The following PIK3C2G variants were observed in gnomAD, a reference collection of about 807,000 sequenced individuals.
PIK3C2G encodes phosphatidylinositol-4-phosphate 3-kinase catalytic subunit type 2 gamma.
In PIK3C2G, 168 loss-of-function variants were observed where a neutral mutation model predicts 181.1. The observed-to-expected ratio is 0.93, with a 90% confidence interval of 0.82 to 1.05. The LOEUF is 1.05. Ranked by LOEUF, PIK3C2G falls within the 50% of genes least tolerant of loss-of-function variation. The pLI is 0.00. For missense variants in PIK3C2G, 1,869 were observed against 1,732.8 expected (o/e 1.08, Z -1.40); for synonymous variants, 573 against 592.2 (o/e 0.97, Z 0.47).
At chr12:18,311,332 CAA>C (rs919236781) in intron 5 of PIK3C2G, among the ~76,000 whole-genome samples, 4 of 151,774 alleles carry the variant, frequency 2.6e-5, no homozygotes, top group African/African-American at 9.7e-5. Flanking sequence ...AGTTTTATTT[CAA>C]AGTCATAAAT....
At chr12:18,551,322 A>G (rs992156688) in intron 26 of PIK3C2G, among the ~76,000 whole-genome samples, 22 of 152,202 alleles carry the variant, frequency 1.4e-4, no homozygotes, top group Admixed American at 9.8e-4. Context: ...GTTGTCCAAA[A>G]GGGTTATTTC....
At chr12:18,494,305 T>TA (rs769218708) in intron 20 of PIK3C2G, among the ~76,000 whole-genome samples, 1 of 152,154 alleles carries the variant, frequency 6.6e-6, no homozygotes, top group South Asian at 2.1e-4. Flanking sequence ...CAAGATCTAG[T>TA]AAAACTCTGA....
intron 26 of PIK3C2G, among the ~76,000 whole-genome samples, chr12:18,550,203 A>G (rs879266239): frequency 1.3e-5 from 2 of 152,074 alleles, no homozygotes; most frequent in Non-Finnish European, 2.9e-5. Flanking sequence ...CATTAATTGT[A>G]ACTGTAACTA....
intron 1 of PIK3C2G, among the ~76,000 whole-genome samples, chr12:18,270,137 C>T (rs1948686767): frequency 6.6e-6 from 1 of 151,456 alleles, no homozygotes; most frequent in South Asian, 2.1e-4. Flanking sequence ...CTTGAACTCC[C>T]GACCTCAGGT....
chr12:18,581,578 ACTGG>A (rs1268418946), intron 29 of PIK3C2G, among the ~76,000 whole-genome samples: 1 of 152,210 alleles, frequency 6.6e-6, no homozygotes, highest in Non-Finnish European at 1.5e-5. Flanking sequence ...ACAAGCTTGC[ACTGG>A]CTGAACATTT....
rs192588130 is a variant in PIK3C2G at position 18,601,433 on chromosome 12, A to G, written c.4087+6864A>G. ...TTAAAAACGCTGATCTCAAATAAGTAAAAAGTAGAACAGAGGATACTAGAG... is the reference window on the plus strand; with the variant it reads ...TTAAAAACGCTGATCTCAAATAAGTGAAAAGTAGAACAGAGGATACTAGAG... On this transcript the variant is annotated intron_variant, in intron 30 of 32. Transcript: ENST00000538779. Among the ~76,000 whole-genome samples, 297 of 152,258 alleles carry G rather than the reference A, an allele frequency of 2.0e-3. 1 individual carries two copies. The highest frequency in any genetic ancestry group is 6.5e-3 in the African/African-American group (269 of 41,558).
At chr12:18,354,555 G>A (rs955459908) in intron 11 of PIK3C2G, among the ~76,000 whole-genome samples, 1 of 152,208 alleles carries the variant, frequency 6.6e-6, no homozygotes, top group African/African-American at 2.4e-5. Context: ...CTGCACATAT[G>A]GGGTCTCAGA....
chr12:18,497,625 G>C lies in PIK3C2G; in HGVS notation c.2893G>C (p.Asp965His). ...KNISIIFKAG[D>H]DLRQDMLVLQ... The stretch of plus-strand genomic sequence containing the variant: ...ATAATTTTGTTTTTAACAGGCTGGA[G>C]ATGATCTTCGTCAGGATATGCTTGT... The change falls in exon 22 of 33, where the codon GAT (aspartate) becomes CAT (histidine). Residue 965 changes from aspartate (D) to histidine (H), a missense_variant. Physicochemically the swap from Asp to His is moderately conservative, Grantham distance 81 (BLOSUM62 -1). Coordinates refer to ENST00000538779, the MANE Select transcript of PIK3C2G (RefSeq NM_001288772.2). 1 of 1,612,214 alleles carries C rather than the reference G, an allele frequency of 6.2e-7. No homozygotes were observed. The highest frequency in any genetic ancestry group is 1.3e-5 in the African/African-American group (1 of 74,980).
chr12:18,629,739 A>T (rs1949266591), intron 31 of PIK3C2G, among the ~76,000 whole-genome samples: 1 of 152,158 alleles, frequency 6.6e-6, no homozygotes, highest in South Asian at 2.1e-4. Flanking sequence ...AATGATGTGC[A>T]GGAGAAAGTC....
upstream of PIK3C2G, among the ~76,000 whole-genome samples, chr12:18,259,678 A>C (rs1361562790): frequency 2.6e-5 from 4 of 152,168 alleles, no homozygotes; most frequent in Non-Finnish European, 5.9e-5. Context: ...TTTGACTCTT[A>C]CAATAAAATG....
intron 25 of PIK3C2G, among the ~76,000 whole-genome samples, chr12:18,542,259 C>G (rs1030693822): frequency 6.6e-6 from 1 of 151,832 alleles, no homozygotes; most frequent in Non-Finnish European, 1.5e-5. Context: ...TAGTACAGAA[C>G]TAGTAAGATA....
chr12:18,554,843 G>GT (rs138778423), intron 26 of PIK3C2G, among the ~76,000 whole-genome samples: 5,643 of 152,090 alleles, frequency 0.037, 216 homozygotes, highest in African/African-American at 0.099. Flanking sequence ...TTAATTCATT[G>GT]TTCCCCTTGA....
intron 30 of PIK3C2G, among the ~76,000 whole-genome samples, chr12:18,597,599 T>G (rs1402904628): frequency 1.3e-5 from 2 of 152,114 alleles, no homozygotes; most frequent in African/African-American, 4.8e-5. Flanking sequence ...TGAGGATTTT[T>G]GTATCAATCA....
At chr12:18,549,625 C>CCA (rs1944620078) in intron 26 of PIK3C2G, among the ~76,000 whole-genome samples, 1 of 152,014 alleles carries the variant, frequency 6.6e-6, no homozygotes, top group South Asian at 2.1e-4. Flanking sequence ...GTAATTCAGA[C>CCA]CACAGTCTTC....
At chr12:18,719,006 G>C in the PIK3C2G span, among the ~76,000 whole-genome samples, 1 of 152,132 alleles carries the variant, frequency 6.6e-6, no homozygotes, top group Non-Finnish European at 1.5e-5. Context: ...GTTGTACAAT[G>C]TACTGTATTT....
At chr12:18,710,930 T>C in the PIK3C2G span, among the ~76,000 whole-genome samples, 1 of 152,128 alleles carries the variant, frequency 6.6e-6, no homozygotes, top group Admixed American at 6.5e-5. Context: ...TTTTACACTG[T>C]TGGTTGGACT....
At chr12:18,547,295 C>T (rs1412830461) in intron 26 of PIK3C2G, among the ~76,000 whole-genome samples, 2 of 151,820 alleles carry the variant, frequency 1.3e-5, no homozygotes, top group African/African-American at 2.4e-5. Context: ...AAATTGCTTC[C>T]CACTCCAATG....
intron 16 of PIK3C2G, among the ~76,000 whole-genome samples, chr12:18,412,784 A>G (rs574253417): frequency 1.2e-4 from 19 of 152,304 alleles, no homozygotes; most frequent in African/African-American, 4.3e-4. Flanking sequence ...CAGCATTAGA[A>G]AAGGCCACTG....
chr12:18,369,231 T>C (rs1217137355), intron 12 of PIK3C2G, among the ~76,000 whole-genome samples: 1 of 152,192 alleles, frequency 6.6e-6, no homozygotes, highest in Non-Finnish European at 1.5e-5. Context: ...CTGTGATTTA[T>C]CTCCCATGAC....
Sources: allele counts gnomAD v4.1 joint callset (sites outside exome capture counted in the v4.1 genomes callset), GRCh38; gene constraint gnomAD v4.1.1; transcripts MANE v1.5; gene names NCBI Gene and HGNC (gene_info 2026-07-23, HGNC 2026-07-21).